SLC24A4: variants seen among roughly 807,000 people sequenced by gnomAD.
The protein encoded by SLC24A4 is solute carrier family 24 member 4.
SLC24A4 carries 53 observed loss-of-function variants against 79.0 expected under a neutral mutation model. The observed-to-expected ratio is 0.67, with a 90% CI of 0.54 to 0.84. SLC24A4 has a LOEUF of 0.84. SLC24A4 is among the 40% of genes least tolerant of loss of function. The pLI, the probability that SLC24A4 is intolerant of heterozygous loss-of-function variation, is 0.00. For missense variants in SLC24A4, 731 were observed against 822.0 expected, an observed-to-expected ratio of 0.89 and a Z score of 1.35; for synonymous variants, 323 against 323.8, an observed-to-expected ratio of 1.00 and a Z score of 0.03.
rs987049980 is a variant in SLC24A4, at chr14:92,482,939, C to T, written c.1422+93C>T. On this transcript the variant is annotated intron_variant, in intron 13 of 16. Coordinates refer to ENST00000532405, the MANE Select transcript of SLC24A4 (RefSeq NM_153646.4). ...CTAACCACAGGTACTGCTGTGCCAC[C>T]TTTGGGCGAGTCACTGGCCTCACTG... 3 of 1,320,524 alleles carry T rather than the reference C, an allele frequency of 2.3e-6. No individual in the cohort carries two copies. In the African/African-American group the frequency reaches 4.4e-5, roughly 20 times the overall value. The allele number at this position is 1,320,524 out of a possible 1,614,324, so 81.8% of individuals were successfully genotyped here. A position where few individuals can be genotyped will look rare whatever the true frequency, so the allele number is the denominator to read the frequency against.
chr14:92,326,398 A>G (rs1885136136), intron 2 of SLC24A4, among the ~76,000 whole-genome samples: 1 of 152,160 alleles, frequency 6.6e-6, no homozygotes, highest in Non-Finnish European at 1.5e-5. Flanking sequence ...CCAGGGTCTC[A>G]GCATGACCGG....
At chr14:92,429,208 T>C (rs540308050) in intron 2 of SLC24A4, among the ~76,000 whole-genome samples, 1 of 151,526 alleles carries the variant, frequency 6.6e-6, no homozygotes, top group African/African-American at 2.4e-5. Context: ...CAACCAGGAG[T>C]AGGGGTGCAG....
At chr14:92,367,920 G>A (rs1242348747) in intron 2 of SLC24A4, among the ~76,000 whole-genome samples, 2 of 152,218 alleles carry the variant, frequency 1.3e-5, no homozygotes, top group African/African-American at 4.8e-5. Context: ...TGGAGAAACA[G>A]AAGCACTTGG....
intron 2 of SLC24A4, among the ~76,000 whole-genome samples, chr14:92,417,270 CCCT>C (rs1566751636): frequency 6.6e-6 from 1 of 152,114 alleles, no homozygotes; most frequent in Non-Finnish European, 1.5e-5. Flanking sequence ...CTAGTCCTGA[CCCT>C]CTGTAGGTCT....
chr14:92,343,342 C>T (rs1237219315), intron 2 of SLC24A4, among the ~76,000 whole-genome samples: 2 of 152,186 alleles, frequency 1.3e-5, no homozygotes, highest in Non-Finnish European at 2.9e-5. Flanking sequence ...CCCGATGTCC[C>T]TTTCAGGAGT....
rs201285309 is a variant in SLC24A4, at chr14:92,443,381, G to A, written c.583-19G>A. ...CGCTTCTGCGCTCATAGCAGCCAAC[G>A]ACGGGGCTCTGCTGGCAGGTGGTCC... On this transcript the variant is annotated intron_variant, in intron 6 of 16. Transcript: ENST00000532405. The A allele has an allele frequency of 1.1e-5, 17 of 1,613,784 alleles. No homozygotes were observed. The highest frequency in any genetic ancestry group is 3.3e-4 in the Middle Eastern group (2 of 6,058).
chr14:92,343,759 G>C (rs1886369390), intron 2 of SLC24A4, among the ~76,000 whole-genome samples: 1 of 148,098 alleles, frequency 6.8e-6, no homozygotes, highest in South Asian at 2.1e-4. Flanking sequence ...CTGGAGTGCA[G>C]TGGCACGATC....
At chr14:92,384,686 TA>T (rs1197834940) in intron 2 of SLC24A4, among the ~76,000 whole-genome samples, 4 of 152,140 alleles carry the variant, frequency 2.6e-5, no homozygotes, top group Admixed American at 1.3e-4. Context: ...ACTGAGGCTT[TA>T]AATGAGCATT....
intron 2 of SLC24A4, among the ~76,000 whole-genome samples, chr14:92,342,762 CT>C (rs1192317563): frequency 2.6e-5 from 4 of 152,344 alleles, no homozygotes; most frequent in South Asian, 2.1e-4. Context: ...ATTTCCATGG[CT>C]TTTTAGTGCC....
chr14:92,409,385 G>T (rs1184515934), intron 2 of SLC24A4, among the ~76,000 whole-genome samples: 2 of 152,240 alleles, frequency 1.3e-5, no homozygotes, highest in African/African-American at 4.8e-5. Context: ...CGGTGGAGCT[G>T]CCTGGGAGCG....
At chr14:92,418,864 G>T (rs1452101019) in intron 2 of SLC24A4, among the ~76,000 whole-genome samples, 1 of 152,082 alleles carries the variant, frequency 6.6e-6, no homozygotes, top group Non-Finnish European at 1.5e-5. Context: ...ACCACGCCTG[G>T]CTAATTTTTG....
chr14:92,459,141 GC>G (rs1160239679), intron 12 of SLC24A4, among the ~76,000 whole-genome samples: 1 of 152,226 alleles, frequency 6.6e-6, no homozygotes, highest in African/African-American at 2.4e-5. Context: ...GAAGGGATGT[GC>G]CCGTTTTGGT....
Position 92,323,728 on chromosome 14 carries a change from C to A in SLC24A4, c.-103C>A. 7.1e-7 allele frequency: 1 copy of A among 1,414,182 alleles called. No individual in the cohort carries two copies. Among genetic ancestry groups the A allele is most frequent in the Middle Eastern group, 2.6e-4 (1 of 3,908 alleles). 87.6% of individuals were successfully genotyped at this position (1,414,182 alleles called of 1,614,324 possible). ...GGCCCGGAGCTCCTCGCCTCTGAGT[C>A]GCGCACCGCCTGCTCCAGCCCCAGC... is the stretch of plus-strand genomic sequence containing the variant. On this transcript the variant is annotated 5_prime_UTR_variant, in exon 1 of 17. Transcript: ENST00000532405. This position sits in a 1 kb window ranked among gnomAD's most constrained non-coding sequence, Gnocchi z 4.9.
intron 2 of SLC24A4, among the ~76,000 whole-genome samples, chr14:92,355,216 A>T (rs918590016): frequency 2.6e-5 from 4 of 152,198 alleles, no homozygotes; most frequent in Non-Finnish European, 5.9e-5. Flanking sequence ...GAGAGGTGGT[A>T]TGTGAGCCAA....
chr14:92,489,786 A>G (rs1278816949), intron 14 of SLC24A4, among the ~76,000 whole-genome samples: 1 of 152,070 alleles, frequency 6.6e-6, no homozygotes, highest in Non-Finnish European at 1.5e-5. Flanking sequence ...CGGGAAGTCC[A>G]CCAAACCTGA....
At chr14:92,433,067 C>G (rs1891962327) in intron 2 of SLC24A4, among the ~76,000 whole-genome samples, 1 of 152,164 alleles carries the variant, frequency 6.6e-6, no homozygotes, top group Non-Finnish European at 1.5e-5. Context: ...CAGGCCTGGC[C>G]TAGGTACTGA....
At chr14:92,375,079 C>T (rs578019818) in intron 2 of SLC24A4, among the ~76,000 whole-genome samples, 12 of 152,290 alleles carry the variant, frequency 7.9e-5, no homozygotes, top group African/African-American at 2.9e-4. Context: ...TAAATTAAAC[C>T]AAAGACTAGA....
intron 2 of SLC24A4, among the ~76,000 whole-genome samples, chr14:92,368,266 G>C (rs1327863809): frequency 2.6e-5 from 4 of 152,030 alleles, no homozygotes; most frequent in Non-Finnish European, 5.9e-5. Context: ...GTCACTATCA[G>C]GAAAAAATCA....
At position 92,482,791 on chromosome 14, in the gene SLC24A4, C is replaced by G. The variant is rs760026042; in HGVS notation, c.1367C>G (p.Thr456Ser). Residue 456 changes from threonine (T) to serine (S), a missense_variant, in exon 13 of 17, where the codon ACC becomes AGC. Physicochemically the swap from Thr to Ser is moderately conservative, Grantham distance 58. Coordinates refer to ENST00000532405, the MANE Select transcript of SLC24A4 (RefSeq NM_153646.4). ...KPRWEKFFMVTFITATLWIAV... is the reference protein window; with the variant it reads ...KPRWEKFFMVSFITATLWIAV... ...CGCTGGGAGAAGTTCTTCATGGTCA[C>G]CTTCATCACCGCCACGCTGTGGATC... is the stretch of plus-strand genomic sequence containing the variant. 1.2e-6 allele frequency: 2 copies of G among 1,614,104 alleles called. No individual in the cohort carries two copies. The highest frequency in any genetic ancestry group is 1.7e-6 in the Non-Finnish European group (2 of 1,180,006).
Sources: gnomAD v4.1 joint callset for allele counts (sites outside exome capture counted in the v4.1 genomes callset) on GRCh38, gnomAD v4.1.1 for gene constraint, Gnocchi (gnomAD v3.1) non-coding constraint, MANE v1.5 for transcripts, NCBI Gene and HGNC (gene_info 2026-07-23, HGNC 2026-07-21) for gene names.